Variants in COL11A1 observed in about 807,000 individuals in gnomAD.
The protein encoded by COL11A1 is collagen alpha-1(XI) chain.
In COL11A1, 74 loss-of-function variants were observed where a neutral mutation model predicts 265.2. The observed-to-expected ratio is 0.28, with a 90% CI of 0.23 to 0.34. COL11A1 has a LOEUF of 0.34. COL11A1 is among the 10% of genes least tolerant of loss of function. The pLI is 1.00. For synonymous variants in COL11A1, 816 were observed against 727.6 expected, an observed-to-expected ratio of 1.12 and a Z score of -1.96; for missense variants, 2,165 against 2,263.6, an observed-to-expected ratio of 0.96 and a Z score of 0.88.
At position 102,912,207 on chromosome 1, in the gene COL11A1, A is replaced by G. The variant is rs1654769952; in HGVS notation, c.4038T>C (p.Pro1346=). The change falls in exon 54 of 67, where the codon CCT becomes CCC. Residue 1346 remains proline, a synonymous_variant. Transcript: ENST00000370096. ...GEDGDPGQPG[P]PGPSGEAGPP... ...GGCCAGCCTCACCAGATGGGCCAGG[A>G]GGACCCTATAAAATGTGAAAAAATA... 6.2e-7 allele frequency: 1 copy of G among 1,609,226 alleles called. No individual in the cohort carries two copies. The highest frequency in any genetic ancestry group is 8.5e-7 in the Non-Finnish European group (1 of 1,178,188).
intron 41 of COL11A1, among the ~76,000 whole-genome samples, chr1:102,951,261 C>T (rs1285842468): frequency 6.6e-6 from 1 of 152,140 alleles, no homozygotes; most frequent in Non-Finnish European, 1.5e-5. Flanking sequence ...TAATGCAGCA[C>T]TTGGCACTAC....
intron 1 of COL11A1, among the ~76,000 whole-genome samples, chr1:103,098,419 A>T (rs1673963896): frequency 6.6e-6 from 1 of 151,868 alleles, no homozygotes; most frequent in African/African-American, 2.4e-5. Flanking sequence ...CATCAACATT[A>T]TCTATGAAAC....
chr1:103,064,229 T>C (rs542051512), intron 4 of COL11A1, among the ~76,000 whole-genome samples: 7 of 152,326 alleles, frequency 4.6e-5, no homozygotes, highest in African/African-American at 1.4e-4. Flanking sequence ...TGAAAATTTA[T>C]GCCTACATGA....
intron 45 of COL11A1, among the ~76,000 whole-genome samples, chr1:102,934,826 T>C (rs1036333645): frequency 2.0e-5 from 3 of 152,316 alleles, no homozygotes; most frequent in Admixed American, 1.3e-4. Flanking sequence ...TTCTGAATTA[T>C]TATCTATTAA....
intron 5 of COL11A1, among the ~76,000 whole-genome samples, chr1:103,027,908 T>G (rs1200877377): frequency 1.3e-5 from 2 of 152,174 alleles, no homozygotes; most frequent in Non-Finnish European, 2.9e-5. Flanking sequence ...ATTCTGTCCT[T>G]TATTTAAACT....
chr1:103,097,394 A>T (rs1241719720), intron 1 of COL11A1, among the ~76,000 whole-genome samples: 5 of 151,836 alleles, frequency 3.3e-5, no homozygotes, highest in Admixed American at 6.6e-5. Context: ...AGGCCTTCAC[A>T]TCACTTCCTG....
chr1:103,028,325 C>T (rs531204479), intron 5 of COL11A1, among the ~76,000 whole-genome samples: 2 of 152,122 alleles, frequency 1.3e-5, no homozygotes, highest in Non-Finnish European at 2.9e-5. Context: ...TGAGTCACTG[C>T]GCCCAGCCGG....
At chr1:102,897,835 A>G (rs945736925) in intron 57 of COL11A1, among the ~76,000 whole-genome samples, 1 of 152,166 alleles carries the variant, frequency 6.6e-6, no homozygotes, top group African/African-American at 2.4e-5. Context: ...TTAGGGAACT[A>G]TCCAGACTAG....
At chr1:102,927,479 G>A (rs1188598246) in intron 46 of COL11A1, among the ~76,000 whole-genome samples, 2 of 152,144 alleles carry the variant, frequency 1.3e-5, no homozygotes, top group Non-Finnish European at 2.9e-5. Context: ...CACTTTGGGA[G>A]GCTGAGGTGG....
At chr1:102,962,912 A>T (rs1346422698) in intron 38 of COL11A1, 152 bp from the exon 39 acceptor site, 2 of 700,082 alleles carry the variant, frequency 2.9e-6, no homozygotes, top group Non-Finnish European at 2.5e-6. Flanking sequence ...AAAGCACTGA[A>T]AGTAGCATAT....
At chr1:102,928,511 T>C (rs1447922970) in intron 46 of COL11A1, among the ~76,000 whole-genome samples, 1 of 152,156 alleles carries the variant, frequency 6.6e-6, no homozygotes, top group Non-Finnish European at 1.5e-5. Context: ...TGTTGGACAT[T>C]TGGGTTGGTT....
At chr1:102,919,578 T>C (rs1557820573) in intron 49 of COL11A1, among the ~76,000 whole-genome samples, 1 of 151,952 alleles carries the variant, frequency 6.6e-6, no homozygotes, top group Non-Finnish European at 1.5e-5. Flanking sequence ...TTTCTGAAAA[T>C]TGGTAGTTTA....
rs1004811321 is a variant in COL11A1 at position 103,001,185 on chromosome 1, C to T, written c.2142+740G>A. 3.6e-4 allele frequency: 144 copies of T among 397,514 alleles called. 1 individual carries two copies. Among genetic ancestry groups the T allele is most frequent in the Non-Finnish European group, 1.6e-4 (35 of 225,464 alleles). The allele number at this position is 397,514 out of a possible 1,614,324, so 24.6% of individuals were successfully genotyped here. On this transcript the variant is annotated intron_variant, in intron 24 of 66. Coordinates refer to ENST00000370096, the MANE Select transcript of COL11A1 (RefSeq NM_001854.4). ...CTGGAGTGGTATAAGTATTCCGAAA[C>T]TTAGATTGCAGCACATCTGTAAATT...
At chr1:103,066,565 A>C (rs1462998237) in intron 4 of COL11A1, among the ~76,000 whole-genome samples, 6 of 151,514 alleles carry the variant, frequency 4.0e-5, no homozygotes, top group Non-Finnish European at 8.9e-5. Flanking sequence ...CAAAAAAAAA[A>C]AAAAAGACTG....
intron 4 of COL11A1, among the ~76,000 whole-genome samples, chr1:103,044,278 C>T (rs1332678099): frequency 6.6e-6 from 1 of 151,324 alleles, no homozygotes; most frequent in Non-Finnish European, 1.5e-5. Context: ...TTGAAAAACG[C>T]ATCAGAGATT....
chr1:103,002,827 T>C lies in COL11A1; in HGVS notation c.1999-36A>G, dbSNP rs753111463. 1.9e-6 allele frequency: 3 copies of C among 1,589,224 alleles called. No individual in the cohort carries two copies. The African/African-American group carries it at 4.0e-5, about 21-fold the overall frequency. ...GAAAAAGTATTTATGGTTGTTTATA[T>C]GTTTTGATGCTAAAACAGAAAATCA... is the stretch of plus-strand genomic sequence containing the variant. On this transcript the variant is annotated intron_variant, in intron 21 of 66. Coordinates refer to ENST00000370096, the MANE Select transcript of COL11A1 (RefSeq NM_001854.4).
intron 37 of COL11A1, among the ~76,000 whole-genome samples, chr1:102,969,671 G>A (rs1029001931): frequency 4.6e-5 from 7 of 152,178 alleles, no homozygotes. Context: ...TAGGTTTTAA[G>A]TAAAATTTAG....
chr1:103,018,508 C>T (rs2101918257), intron 10 of COL11A1, among the ~76,000 whole-genome samples: 1 of 152,180 alleles, frequency 6.6e-6, no homozygotes, highest in East Asian at 1.9e-4. Flanking sequence ...TGTTAAGATA[C>T]AATTATACCT....
chr1:102,891,405 A>G (rs978617344), intron 57 of COL11A1, among the ~76,000 whole-genome samples: 13 of 151,922 alleles, frequency 8.6e-5, no homozygotes, highest in Non-Finnish European at 1.5e-4. Context: ...TTATATAAAT[A>G]TACTTCTATT....
Sources: gnomAD v4.1 joint callset for allele counts (sites outside exome capture counted in the v4.1 genomes callset) on GRCh38, gnomAD v4.1.1 for gene constraint, MANE v1.5 for transcripts, NCBI Gene and HGNC (gene_info 2026-07-23, HGNC 2026-07-21) for gene names.